RBFOX1: variants seen among roughly 807,000 people sequenced by gnomAD.
RBFOX1 encodes the protein RNA binding protein fox-1 homolog 1.
Under a neutral mutation model 57.7 loss-of-function variants are expected in RBFOX1, and 8 were observed. The ratio of observed to expected loss-of-function variants is 0.14; its 90% CI spans 0.08 to 0.25. The LOEUF (loss-of-function observed/expected upper bound fraction) is 0.25, where lower values mean the gene tolerates loss of function less well. Among genes scored for constraint, RBFOX1 ranks in the 10% least tolerant of loss-of-function variants. The pLI is 1.00. For missense variants in RBFOX1, 611 were observed against 548.5 expected, an observed-to-expected ratio of 1.11 and a Z score of -1.14; for synonymous variants, 326 against 222.4, an observed-to-expected ratio of 1.47 and a Z score of -4.15.
chr16:5,861,464 C>T (rs866099236), intron 3 of RBFOX1, among the ~76,000 whole-genome samples: 1 of 152,210 alleles, frequency 6.6e-6, no homozygotes, highest in African/African-American at 2.4e-5. Context: ...GAGCCTCTTT[C>T]ACTCTGATTT....
chr16:5,989,352 CAAAA>C (rs572113967), intron 4 of RBFOX1, among the ~76,000 whole-genome samples: 35 of 151,780 alleles, frequency 2.3e-4, no homozygotes, highest in African/African-American at 7.5e-4. Flanking sequence ...ACAAAACAAA[CAAAA>C]AAACCCCAAA....
chr16:6,730,436 C>G (rs967028671), intron 3 of RBFOX1, among the ~76,000 whole-genome samples: 1 of 41,906 alleles, frequency 2.4e-5, no homozygotes, highest in Non-Finnish European at 7.9e-5. Flanking sequence ...TATATCTAAT[C>G]TATCAATTTA....
intron 3 of RBFOX1, among the ~76,000 whole-genome samples, chr16:5,658,616 C>T (rs913249399): frequency 6.6e-6 from 1 of 151,976 alleles, no homozygotes; most frequent in African/African-American, 2.4e-5. Flanking sequence ...TTTGGTTTTC[C>T]ATTCTTGAGT....
intron 1 of RBFOX1, among the ~76,000 whole-genome samples, chr16:6,179,965 T>A (rs373156790): frequency 1.3e-5 from 2 of 152,248 alleles, no homozygotes; most frequent in East Asian, 3.8e-4. Context: ...ATTCTTTTTC[T>A]GCATCTGTTG....
At position 5,621,073 on chromosome 16, in the gene RBFOX1, C is replaced by G. The variant is rs540747849; in HGVS notation, c.318+22112C>G. On this transcript the variant is annotated intron_variant, in intron 3 of 19. Transcript: ENST00000641259. The stretch of plus-strand genomic sequence containing the variant: ...GCCAGGATGGTCTTGATGTCCTGAC[C>G]TCGTGATCCGCCTGCCTTGGCCTCC... Among the ~76,000 whole-genome samples, 4 of 152,322 alleles carry G rather than the reference C, an allele frequency of 2.6e-5. No individual in the cohort carries two copies. The East Asian group carries it at 5.8e-4, about 22-fold the overall frequency.
intron 1 of RBFOX1, among the ~76,000 whole-genome samples, chr16:6,154,371 A>G (rs1597849971): frequency 2.6e-5 from 4 of 152,362 alleles, no homozygotes; most frequent in African/African-American, 9.6e-5. Context: ...CTATGTTGAT[A>G]ATTCTAGATC....
intron 3 of RBFOX1, among the ~76,000 whole-genome samples, chr16:7,041,642 CT>C (rs1231401233): frequency 6.6e-6 from 1 of 152,112 alleles, no homozygotes; most frequent in Non-Finnish European, 1.5e-5. Context: ...ATTTACCACC[CT>C]TCTTAAAAAG....
intron 4 of RBFOX1, among the ~76,000 whole-genome samples, chr16:7,179,256 G>C (rs78968131): frequency 5.3e-5 from 8 of 150,842 alleles, no homozygotes; most frequent in Non-Finnish European, 1.0e-4. Flanking sequence ...AAATACTTAA[G>C]TTATCCTTGC....
chr16:6,923,499 C>T (rs181424352), intron 3 of RBFOX1, among the ~76,000 whole-genome samples: 7 of 152,112 alleles, frequency 4.6e-5, no homozygotes, highest in African/African-American at 1.7e-4. Flanking sequence ...CAACACTGCA[C>T]TCCAGCCTGG....
chr16:7,655,348 T>C (rs1157589936), intron 12 of RBFOX1, among the ~76,000 whole-genome samples: 3 of 152,220 alleles, frequency 2.0e-5, no homozygotes, highest in Non-Finnish European at 4.4e-5. Flanking sequence ...TTTGAGCTTC[T>C]TGGACAAAAC....
rs559317342 is a variant in RBFOX1, at chr16:7,322,401, C to T, written c.28-195746C>T. On this transcript the variant is annotated intron_variant, in intron 4 of 15. Coordinates refer to ENST00000550418, the MANE Select transcript of RBFOX1 (RefSeq NM_018723.4). ...GTCACAGTGCTAGTAAACACGTCAA[C>T]GTGATTTCACGTGAAAACAGCCATC... Among the ~76,000 whole-genome samples, 11 of 152,352 alleles carry T rather than the reference C, an allele frequency of 7.2e-5. No homozygotes were observed. The East Asian group carries it at 7.7e-4, about 11-fold the overall frequency.
At chr16:7,294,186 C>T (rs916813472) in intron 4 of RBFOX1, among the ~76,000 whole-genome samples, 10 of 152,052 alleles carry the variant, frequency 6.6e-5, no homozygotes, top group African/African-American at 2.4e-4. Context: ...CCCACTTGTT[C>T]ATTAGGAGAA....
intron 2 of RBFOX1, among the ~76,000 whole-genome samples, chr16:6,504,385 G>A (rs752172836): frequency 6.6e-6 from 1 of 152,160 alleles, no homozygotes; most frequent in African/African-American, 2.4e-5. Flanking sequence ...GATCTAATGT[G>A]TTTGCTTTTC....
intron 1 of RBFOX1, among the ~76,000 whole-genome samples, chr16:5,256,280 G>A (rs1406008754): frequency 8.5e-5 from 13 of 152,268 alleles, no homozygotes; most frequent in Non-Finnish European, 1.2e-4. Flanking sequence ...GAAAAATTGG[G>A]TCCTGGCACC....
exon 3 of RBFOX1, chr16:5,599,002 C>T (rs748917490): frequency 6.8e-7 from 1 of 1,466,608 alleles, no homozygotes; most frequent in Non-Finnish European, 9.2e-7. Context: ...GATTTTGAAA[C>T]TACTTTTGCA....
intron 3 of RBFOX1, among the ~76,000 whole-genome samples, chr16:5,827,381 C>G (rs1456429415): frequency 8.1e-6 from 1 of 123,150 alleles, no homozygotes; most frequent in Non-Finnish European, 1.6e-5. Context: ...ACCTGGATGA[C>G]AGAGCAAGAC....
In RBFOX1 at chr16:6,247,507, AAGAT is replaced by A. The variant is rs548442713; in HGVS notation, c.-126-69485_-126-69482del. Among the ~76,000 whole-genome samples the A allele has an allele frequency of 1.6e-4, 24 of 152,314 alleles. No individual in the cohort carries two copies. The South Asian group carries it at 4.8e-3, about 30-fold the overall frequency. ...TAATTTGAACAGTTCTGCAGTCATTAAGATAGTGGTAGTAACAGCCAATATGCAT... is the reference window on the plus strand; with the variant it reads ...TAATTTGAACAGTTCTGCAGTCATTAAGTGGTAGTAACAGCCAATATGCAT... On this transcript the variant is annotated intron_variant, in intron 1 of 15. Coordinates refer to ENST00000550418, the MANE Select transcript of RBFOX1 (RefSeq NM_018723.4).
At chr16:7,692,144 C>CTTATG (rs2077487285) in intron 14 of RBFOX1, among the ~76,000 whole-genome samples, 1 of 152,096 alleles carries the variant, frequency 6.6e-6, no homozygotes, top group Admixed American at 6.5e-5. Context: ...AGCCCAAAAT[C>CTTATG]TTATGTTAAC....
In RBFOX1 at chr16:7,470,485, T is replaced by A. The variant is rs527455722; in HGVS notation, c.28-47662T>A. 3.3e-5 allele frequency among the ~76,000 whole-genome samples: 5 copies of A among 149,706 alleles called. 1 individual carries two copies. The South Asian group carries it at 1.0e-3, about 31-fold the overall frequency. Reference sequence around the variant, plus strand: ...AGTGGATGGATGGATGGATGGATAGTTGAATGGATGGAAGAATGGTTGGAT... The same window carrying A: ...AGTGGATGGATGGATGGATGGATAGATGAATGGATGGAAGAATGGTTGGAT... On this transcript the variant is annotated intron_variant, in intron 4 of 15. Transcript: ENST00000550418.
Sources: gnomAD v4.1 joint callset for allele counts (sites outside exome capture counted in the v4.1 genomes callset) on GRCh38, gnomAD v4.1.1 for gene constraint, MANE v1.5 for transcripts, NCBI Gene and HGNC (gene_info 2026-07-23, HGNC 2026-07-21) for gene names.